The following AGBL4 variants were observed in gnomAD, a reference collection of about 807,000 sequenced individuals.
AGBL4 encodes cytosolic carboxypeptidase 6.
A neutral mutation model predicts 66.4 loss-of-function variants in AGBL4; 58 were observed. The observed-to-expected ratio is 0.87, with a 90% CI of 0.71 to 1.09. The LOEUF is 1.09. Ranked by LOEUF, AGBL4 falls within the 50% of genes least tolerant of loss-of-function variation. The probability of loss-of-function intolerance (pLI) is 0.00; values close to 1 mark genes in which losing one functional copy is unlikely to be tolerated. For missense variants in AGBL4, 579 were observed against 631.0 expected, an observed-to-expected ratio of 0.92 and a Z score of 0.88; for synonymous variants, 234 against 222.9, an observed-to-expected ratio of 1.05 and a Z score of -0.44.
chr1:49,542,212 A>G (rs1447835661), intron 3 of AGBL4, among the ~76,000 whole-genome samples: 3 of 152,202 alleles, frequency 2.0e-5, no homozygotes, highest in Non-Finnish European at 2.9e-5. Context: ...ATAAGGGAAT[A>G]AAAGCAGGCT....
chr1:49,566,833 G>C (rs527836210), intron 3 of AGBL4, among the ~76,000 whole-genome samples: 12 of 152,332 alleles, frequency 7.9e-5, no homozygotes, highest in African/African-American at 2.9e-4. Context: ...CTGTCAGACA[G>C]GGACATTTTA....
chr1:49,796,810 A>G (rs1043828468), intron 2 of AGBL4, among the ~76,000 whole-genome samples: 1 of 151,974 alleles, frequency 6.6e-6, no homozygotes, highest in African/African-American at 2.4e-5. Context: ...ATGAGTACAT[A>G]TTATTATTTC....
At chr1:49,505,998 C>T (rs1411696738) in intron 3 of AGBL4, among the ~76,000 whole-genome samples, 2 of 151,934 alleles carry the variant, frequency 1.3e-5, no homozygotes, top group African/African-American at 4.8e-5. Flanking sequence ...TTGATACTCT[C>T]TATTGCATTT....
intron 1 of AGBL4, among the ~76,000 whole-genome samples, chr1:49,947,248 A>C (rs1655297386): frequency 6.6e-6 from 1 of 151,962 alleles, no homozygotes; most frequent in African/African-American, 2.4e-5. Context: ...CAAAAAAAGA[A>C]AACTACAGAC....
chr1:48,962,127 GTCCATCCA>G (rs367709640), intron 5 of AGBL4, among the ~76,000 whole-genome samples: 20 of 133,520 alleles, frequency 1.5e-4, no homozygotes, highest in African/African-American at 4.0e-4. Context: ...CCATCCATCC[GTCCATCCA>G]TCCATCATCC....
At chr1:49,283,020 C>T (rs1270392956) in intron 3 of AGBL4, among the ~76,000 whole-genome samples, 2 of 152,254 alleles carry the variant, frequency 1.3e-5, no homozygotes. Flanking sequence ...GTGCCCACCA[C>T]AGCTCAAGAA....
rs559004140 is a variant in AGBL4, at chr1:49,160,367, T to A, written c.377+85403A>T. On this transcript the variant is annotated intron_variant, in intron 4 of 13. Coordinates refer to ENST00000371839, the MANE Select transcript of AGBL4 (RefSeq NM_032785.4). ...TTTGCTGGAGGTCCACTCCAGACCCTATTTGCCTGGATATAATCAGCAGAG... is the reference window on the plus strand; with the variant it reads ...TTTGCTGGAGGTCCACTCCAGACCCAATTTGCCTGGATATAATCAGCAGAG... Among the ~76,000 whole-genome samples, 78 of 152,290 alleles carry A rather than the reference T, an allele frequency of 5.1e-4. 1 individual carries two copies. Among genetic ancestry groups the A allele is most frequent in the African/African-American group, 1.8e-3 (74 of 41,570 alleles).
intron 6 of AGBL4, among the ~76,000 whole-genome samples, chr1:48,821,614 G>T (rs1646315532): frequency 6.6e-6 from 1 of 152,050 alleles, no homozygotes; most frequent in Non-Finnish European, 1.5e-5. Flanking sequence ...TGGGAGGAGG[G>T]GGAACGTTAA....
intron 4 of AGBL4, among the ~76,000 whole-genome samples, chr1:49,142,254 G>A: frequency 6.6e-6 from 1 of 151,982 alleles, no homozygotes; most frequent in Non-Finnish European, 1.5e-5. Context: ...CCAGTCTCTG[G>A]TGCCAAAAAG....
chr1:48,590,712 A>T, intron 10 of AGBL4, 121 bp downstream of exon 10: 1 of 1,126,788 alleles, frequency 8.9e-7, no homozygotes, highest in South Asian at 1.7e-5. Flanking sequence ...TCACCCACAC[A>T]ATACCTAACA....
rs763583815 is a variant in AGBL4, at chr1:49,990,838, A to AGG, written c.34+32923_34+32924dup. Among the ~76,000 whole-genome samples, 5 of 152,242 alleles carry AGG rather than the reference A, an allele frequency of 3.3e-5. No individual in the cohort carries two copies. The East Asian group carries it at 7.7e-4, about 23-fold the overall frequency. On this transcript the variant is annotated intron_variant, in intron 1 of 13. Transcript: ENST00000371839. Reference sequence around the variant, plus strand: ...TAAGTTTCAGAAATCTGTAGCGTGTAGGATATGTTTAGCACAATGACTTTT... The same window carrying AGG: ...TAAGTTTCAGAAATCTGTAGCGTGTAGGGGATATGTTTAGCACAATGACTTTT...
At chr1:49,646,064 C>T (rs1346480810) in intron 3 of AGBL4, among the ~76,000 whole-genome samples, 2 of 151,774 alleles carry the variant, frequency 1.3e-5, no homozygotes, top group Admixed American at 1.3e-4. Context: ...ACATAACTAA[C>T]ATCATATTTT....
At chr1:49,429,850 A>T (rs991425058) in intron 3 of AGBL4, among the ~76,000 whole-genome samples, 17 of 139,712 alleles carry the variant, frequency 1.2e-4, no homozygotes, top group African/African-American at 2.4e-4. Context: ...CTTTGAATAT[A>T]TTTTTTTTTT....
At chr1:48,850,574 G>C (rs1647011982) in intron 6 of AGBL4, among the ~76,000 whole-genome samples, 1 of 152,176 alleles carries the variant, frequency 6.6e-6, no homozygotes, top group South Asian at 2.1e-4. Flanking sequence ...ACCCAGGCTA[G>C]AATGCAGTGG....
intron 4 of AGBL4, among the ~76,000 whole-genome samples, chr1:49,077,375 G>A (rs985683979): frequency 1.3e-5 from 2 of 152,206 alleles, no homozygotes; most frequent in Admixed American, 1.3e-4. Flanking sequence ...TCCATACAAT[G>A]CGTTCTGTGA....
rs1646938335 is a variant in AGBL4 at position 49,694,080 on chromosome 1, T to TCA, written c.282+3232_282+3233insTG. Among the ~76,000 whole-genome samples, 4 of 152,256 alleles carry TCA rather than the reference T, an allele frequency of 2.6e-5. No individual in the cohort carries two copies. In the South Asian group the frequency reaches 8.3e-4, roughly 31 times the overall value. ...GCAAAAGCTAGACCTGTTTATACAA[T>TCA]ATATTTGATGCTGCAATTTTTAAAA... is the stretch of plus-strand genomic sequence containing the variant. On this transcript the variant is annotated intron_variant, in intron 3 of 13. Transcript: ENST00000371839.
chr1:48,993,998 T>C (rs914388256), intron 5 of AGBL4, among the ~76,000 whole-genome samples: 1 of 152,204 alleles, frequency 6.6e-6, no homozygotes, highest in Non-Finnish European at 1.5e-5. Context: ...GCTTTTTTTG[T>C]GTAGATAGCT....
At chr1:48,964,878 C>T (rs903474027) in intron 5 of AGBL4, among the ~76,000 whole-genome samples, 18 of 152,060 alleles carry the variant, frequency 1.2e-4, no homozygotes, top group Non-Finnish European at 4.4e-5. Context: ...AAGATTTAAA[C>T]ACTAAGGCAA....
At chr1:49,801,179 G>A (rs1006683633) in intron 2 of AGBL4, among the ~76,000 whole-genome samples, 5 of 152,114 alleles carry the variant, frequency 3.3e-5, no homozygotes, top group African/African-American at 1.2e-4. Context: ...GTTAGAATGG[G>A]GAACTCCATT....
Sources: gnomAD v4.1 joint callset for allele counts (sites outside exome capture counted in the v4.1 genomes callset) on GRCh38, gnomAD v4.1.1 for gene constraint, MANE v1.5 for transcripts, NCBI Gene and HGNC (gene_info 2026-07-23, HGNC 2026-07-21) for gene names.